Variants in LARS2 observed in about 807,000 individuals in gnomAD.
LARS2 encodes leucyl-tRNA synthetase 2, mitochondrial, also known as leucine--tRNA ligase, mitochondrial.
Under a neutral mutation model 116.6 loss-of-function variants are expected in LARS2, and 81 were observed. The observed-to-expected ratio is 0.69, with a 90% CI of 0.58 to 0.84. LARS2 has a LOEUF of 0.84. Among genes scored for constraint, LARS2 ranks in the 40% least tolerant of loss-of-function variants. The pLI, the probability that LARS2 is intolerant of heterozygous loss-of-function variation, is 0.00. For synonymous variants in LARS2, 396 were observed against 407.2 expected (o/e 0.97, Z 0.33); for missense variants, 968 against 1,114.5 (o/e 0.87, Z 1.87).
chr3:45,523,530 G>C (rs533961547), intron 19 of LARS2, among the ~76,000 whole-genome samples: 2 of 150,588 alleles, frequency 1.3e-5, no homozygotes. Flanking sequence ...TGCTGCTGGA[G>C]CTTTTTTTTT....
chr3:45,502,535 C>G (rs1320386937), intron 15 of LARS2, among the ~76,000 whole-genome samples: 1 of 152,042 alleles, frequency 6.6e-6, no homozygotes, highest in African/African-American at 2.4e-5. Flanking sequence ...TTGATAGGAT[C>G]TTTATTCTGG....
intron 6 of LARS2, among the ~76,000 whole-genome samples, chr3:45,441,271 T>C (rs971615848): frequency 6.6e-6 from 1 of 152,194 alleles, no homozygotes; most frequent in Non-Finnish European, 1.5e-5. Flanking sequence ...GTGATCTGAC[T>C]GCCTTGGCCT....
At chr3:45,483,970 G>C (rs1417938717) in intron 10 of LARS2, 1 of 151,280 alleles carries the variant, frequency 6.6e-6, no homozygotes, top group African/African-American at 2.4e-5. Flanking sequence ...AGGCCAAAAT[G>C]ATAGGATTGT....
intron 7 of LARS2, among the ~76,000 whole-genome samples, chr3:45,454,769 G>A (rs1012366445): frequency 6.6e-6 from 1 of 152,142 alleles, no homozygotes; most frequent in African/African-American, 2.4e-5. Context: ...CCAAGTAAAT[G>A]TTCAAAATAT....
At chr3:45,516,758 G>A (rs1368046829) in intron 17 of LARS2, among the ~76,000 whole-genome samples, 2 of 152,134 alleles carry the variant, frequency 1.3e-5, no homozygotes, top group African/African-American at 4.8e-5. Context: ...AATCCAGAAA[G>A]CCCCGGGAGG....
chr3:45,439,187 A>G (rs562640262), intron 6 of LARS2, among the ~76,000 whole-genome samples: 1 of 147,964 alleles, frequency 6.8e-6, no homozygotes, highest in Non-Finnish European at 1.5e-5. Context: ...CCAGCAAGAG[A>G]AATGAGCTGT....
chr3:45,453,105 C>T (rs1451019594), intron 7 of LARS2, among the ~76,000 whole-genome samples: 1 of 151,902 alleles, frequency 6.6e-6, no homozygotes, highest in East Asian at 1.9e-4. Flanking sequence ...TTTCAAAAAC[C>T]AAGTTTTTTA....
At chr3:45,434,768 A>G (rs1698772858) in intron 6 of LARS2, among the ~76,000 whole-genome samples, 1 of 152,102 alleles carries the variant, frequency 6.6e-6, no homozygotes, top group Non-Finnish European at 1.5e-5. Flanking sequence ...CTTTACTTCC[A>G]GGTGGATATG....
In LARS2 at chr3:45,400,326, A is replaced by T. The variant is rs1485401622; in HGVS notation, c.316A>T (p.Thr106Ser). Residue 106 changes from threonine (T) to serine (S), a missense_variant, in exon 4 of 22, where the codon ACC (threonine) becomes TCC (serine). By Grantham distance (58) the Thr-to-Ser change is moderately conservative (BLOSUM62 1). Coordinates refer to ENST00000645846, the MANE Select transcript of LARS2 (RefSeq NM_015340.4). ...GCACATGGGCCATGTGCGTGTCTACACCATCAGCGACACCATAGCACGGTT... is the reference window on the plus strand; with the variant it reads ...GCACATGGGCCATGTGCGTGTCTACTCCATCAGCGACACCATAGCACGGTT... ...KLHMGHVRVY[T>S]ISDTIARFQK... The T allele has an allele frequency of 1.9e-6, 3 of 1,613,864 alleles. No individual in the cohort carries two copies. In the African/African-American group the frequency reaches 4.0e-5, roughly 22 times the overall value.
chr3:45,489,654 C>G (rs934430300), intron 12 of LARS2, among the ~76,000 whole-genome samples: 6 of 152,166 alleles, frequency 3.9e-5, no homozygotes, highest in Non-Finnish European at 8.8e-5. Flanking sequence ...AATAAGATCC[C>G]TATATGATTT....
intron 6 of LARS2, among the ~76,000 whole-genome samples, chr3:45,444,116 T>G (rs980898951): frequency 1.1e-4 from 17 of 150,500 alleles, no homozygotes; most frequent in African/African-American, 3.9e-4. Flanking sequence ...GCCCTTCTCC[T>G]GCCTCAGCCT....
intron 8 of LARS2, among the ~76,000 whole-genome samples, chr3:45,468,912 A>G (rs1699477664): frequency 6.6e-6 from 1 of 152,294 alleles, no homozygotes; most frequent in Middle Eastern, 3.4e-3. Flanking sequence ...CACCATTTAC[A>G]TGTATAGGAG....
intron 20 of LARS2, among the ~76,000 whole-genome samples, chr3:45,529,583 T>C: frequency 6.6e-6 from 1 of 151,974 alleles, no homozygotes; most frequent in South Asian, 2.1e-4. Flanking sequence ...ATAGCTAATG[T>C]TTACGTGCAA....
At chr3:45,466,861 C>T (rs780879340) in intron 8 of LARS2, among the ~76,000 whole-genome samples, 24 of 152,108 alleles carry the variant, frequency 1.6e-4, no homozygotes, top group African/African-American at 3.9e-4. Flanking sequence ...GGATTACAGG[C>T]GCCTGCCACC....
chr3:45,434,265 AT>A (rs981504395), intron 6 of LARS2, among the ~76,000 whole-genome samples: 1 of 151,382 alleles, frequency 6.6e-6, no homozygotes, highest in African/African-American at 2.4e-5. Context: ...AGCTCTATTC[AT>A]TTTTTTTCCA....
intron 6 of LARS2, among the ~76,000 whole-genome samples, chr3:45,426,689 C>T (rs905250209): frequency 1.3e-5 from 2 of 152,106 alleles, no homozygotes. Context: ...CTGTGCTTGC[C>T]GGTCAAAAAC....
chr3:45,531,026 C>G lies in LARS2; in HGVS notation c.2404+6918C>G, dbSNP rs537355079. ...GCTCATGGTCTGTCTCAAGTATTTT[C>G]TTTTCTTTTGTGTTCTTGTAGAATA... is the stretch of plus-strand genomic sequence containing the variant. On this transcript the variant is annotated intron_variant, in intron 20 of 21. Coordinates refer to ENST00000645846, the MANE Select transcript of LARS2 (RefSeq NM_015340.4). Among the ~76,000 whole-genome samples, 133 of 152,136 alleles carry G rather than the reference C, an allele frequency of 8.7e-4. 1 individual carries two copies. Among genetic ancestry groups the G allele is most frequent in the Non-Finnish European group, 1.2e-3 (83 of 68,032 alleles).
At chr3:45,433,139 C>T (rs1267422006) in intron 6 of LARS2, among the ~76,000 whole-genome samples, 2 of 151,940 alleles carry the variant, frequency 1.3e-5, no homozygotes, top group African/African-American at 4.8e-5. Context: ...TTACTTTCAA[C>T]CCACTTATTA....
At chr3:45,438,097 A>G (rs925406703) in intron 6 of LARS2, among the ~76,000 whole-genome samples, 14 of 152,086 alleles carry the variant, frequency 9.2e-5, no homozygotes. Context: ...TGAGAAGGAC[A>G]TGAGAGGCCC....
Sources: gnomAD v4.1 joint callset for allele counts (sites outside exome capture counted in the v4.1 genomes callset) on GRCh38, gnomAD v4.1.1 for gene constraint, MANE v1.5 for transcripts, NCBI Gene and HGNC (gene_info 2026-07-23, HGNC 2026-07-21) for gene names.